Variants in ZNF487 observed in about 807,000 individuals in gnomAD.
ZNF487 encodes KRAB domain only 1.
A neutral mutation model predicts 3.0 loss-of-function variants in ZNF487; 4 were observed. The observed-to-expected ratio is 1.35, with a 90% CI of 0.66 to 3.08. The LOEUF is 3.08. Ranked by LOEUF, ZNF487 falls within the 30% of genes most tolerant of loss-of-function variation. The pLI is 0.01. For missense variants in ZNF487, 146 were observed against 98.7 expected (o/e 1.48, Z -2.03); for synonymous variants, 55 against 34.6 (o/e 1.59, Z -2.06).
rs146436826 is a variant in ZNF487, at chr10:43,448,919, A to C, written c.-94+11657A>C. Among the ~76,000 whole-genome samples the C allele has an allele frequency of 6.1e-3, 917 of 150,514 alleles. 9 individuals are homozygous for C. Among genetic ancestry groups the C allele is most frequent in the African/African-American group, 0.018 (726 of 41,094 alleles). On this transcript the variant is annotated intron_variant, in intron 1 of 3. Transcript: ENST00000437590. ...GATGAAGCAGGAGGATCACTTGAGC[A>C]GGAGATAGAGGCTGTGGTGAGCTCT... is the stretch of plus-strand genomic sequence containing the variant.
chr10:43,508,938 G>C, the ZNF487 span, among the ~76,000 whole-genome samples: 2 of 152,030 alleles, frequency 1.3e-5, no homozygotes, highest in African/African-American at 2.4e-5. Context: ...TGGGCACGGT[G>C]GCTCCCAGCA....
chr10:43,460,247 C>T (rs1840380099), intron 1 of ZNF487, among the ~76,000 whole-genome samples: 1 of 151,914 alleles, frequency 6.6e-6, no homozygotes, highest in Non-Finnish European at 1.5e-5. Context: ...TTTTGATTTT[C>T]AAATGTTAAA....
chr10:43,451,009 G>A (rs529121763), intron 1 of ZNF487, among the ~76,000 whole-genome samples: 1 of 151,864 alleles, frequency 6.6e-6, no homozygotes, highest in East Asian at 1.9e-4. Flanking sequence ...GTGCAATGGC[G>A]CGATCTTGGC....
downstream of ZNF487, among the ~76,000 whole-genome samples, chr10:43,483,535 CTT>C (rs71016775): frequency 2.0e-5 from 3 of 151,110 alleles, no homozygotes; most frequent in Admixed American, 6.6e-5. Flanking sequence ...CCCAGCCCTT[CTT>C]TTTTTTTTGA....
At chr10:43,522,741 A>T in the ZNF487 span, among the ~76,000 whole-genome samples, 12 of 152,256 alleles carry the variant, frequency 7.9e-5, 1 homozygote, top group African/African-American at 2.6e-4. Context: ...TCAAAAAACA[A>T]AAAATAAAAA....
chr10:43,459,508 G>A (rs1426094344), intron 1 of ZNF487, among the ~76,000 whole-genome samples: 5 of 152,044 alleles, frequency 3.3e-5, no homozygotes, highest in African/African-American at 1.2e-4. Flanking sequence ...GGGATTACAG[G>A]CGTGAGCCAC....
At chr10:43,491,518 A>G in the ZNF487 span, among the ~76,000 whole-genome samples, 1 of 151,632 alleles carries the variant, frequency 6.6e-6, no homozygotes, top group East Asian at 1.9e-4. Flanking sequence ...TCTGAGCTCC[A>G]GAACCACTCA....
downstream of ZNF487, among the ~76,000 whole-genome samples, chr10:43,485,470 A>G (rs1227588790): frequency 6.6e-6 from 1 of 152,216 alleles, no homozygotes; most frequent in Non-Finnish European, 1.5e-5. Context: ...CCTGGCAATG[A>G]GTCTAAAATT....
intron 1 of ZNF487, among the ~76,000 whole-genome samples, 182 bp from the exon 2 acceptor site, chr10:43,475,539 G>A (rs892404509): frequency 7.2e-5 from 11 of 151,748 alleles, no homozygotes; most frequent in Middle Eastern, 3.4e-3. Flanking sequence ...TTAATATACC[G>A]GCAGAGTCCT....
At chr10:43,519,177 AG>A in the ZNF487 span, among the ~76,000 whole-genome samples, 1 of 151,850 alleles carries the variant, frequency 6.6e-6, no homozygotes, top group Non-Finnish European at 1.5e-5. Context: ...CAGTCTCCTG[AG>A]TGGCTGGGAT....
the ZNF487 span, among the ~76,000 whole-genome samples, chr10:43,501,338 G>A: frequency 6.6e-6 from 1 of 152,174 alleles, no homozygotes; most frequent in Admixed American, 6.5e-5. Context: ...GTACACTACT[G>A]TAGGCTTTAT....
Position 43,461,674 on chromosome 10 carries a change from T to G in ZNF487, c.-93-14047T>G, listed in dbSNP as rs185567594. ...TGTTTCAGAAAACATGTTTAGTGTTTTCTCTTTATTCTCCATGAGTGCTTG... is the reference window on the plus strand; with the variant it reads ...TGTTTCAGAAAACATGTTTAGTGTTGTCTCTTTATTCTCCATGAGTGCTTG... On this transcript the variant is annotated intron_variant, in intron 1 of 3. Coordinates refer to ENST00000437590, the MANE Select transcript of ZNF487 (RefSeq NM_001355444.3). 8.9e-4 allele frequency among the ~76,000 whole-genome samples: 136 copies of G among 152,306 alleles called. 1 individual carries two copies. The highest frequency in any genetic ancestry group is 1.7e-3 in the Non-Finnish European group (113 of 68,030).
intron 1 of ZNF487, among the ~76,000 whole-genome samples, chr10:43,459,795 A>ATT (rs1371941911): frequency 2.7e-5 from 4 of 146,198 alleles, no homozygotes; most frequent in Non-Finnish European, 6.0e-5. Flanking sequence ...TATTATTATT[A>ATT]TTATTATTAT....
intron 1 of ZNF487, among the ~76,000 whole-genome samples, chr10:43,466,873 A>T (rs1291300238): frequency 1.3e-5 from 2 of 151,882 alleles, no homozygotes; most frequent in African/African-American, 4.8e-5. Flanking sequence ...TGGATCAAGG[A>T]GTAATTTTTT....
chr10:43,438,077 C>T (rs934552290), intron 1 of ZNF487, among the ~76,000 whole-genome samples: 11 of 152,122 alleles, frequency 7.2e-5, no homozygotes, highest in Non-Finnish European at 1.0e-4. Context: ...TTTCTCCTTT[C>T]TGGTCATATC....
chr10:43,519,227 G>T, the ZNF487 span, among the ~76,000 whole-genome samples: 1 of 151,906 alleles, frequency 6.6e-6, no homozygotes, highest in African/African-American at 2.4e-5. Flanking sequence ...CACTCTTACT[G>T]TTGTTTTGCA....
chr10:43,504,924 T>C, the ZNF487 span, among the ~76,000 whole-genome samples: 1 of 152,004 alleles, frequency 6.6e-6, no homozygotes, highest in African/African-American at 2.4e-5. Flanking sequence ...AAAGGTGGTC[T>C]CAAACTCCCG....
the ZNF487 span, among the ~76,000 whole-genome samples, chr10:43,520,645 C>T: frequency 6.6e-6 from 1 of 152,182 alleles, no homozygotes; most frequent in African/African-American, 2.4e-5. Flanking sequence ...CAGTGACATA[C>T]AAAGTGATAA....
At chr10:43,498,099 ATTTTTTTTTTTTTTCTTTTTTTTTTTTT>A in the ZNF487 span, among the ~76,000 whole-genome samples, 10 of 20,180 alleles carry the variant, frequency 5.0e-4, no homozygotes, top group South Asian at 3.4e-3. Context: ...ATATATATAT[ATTTTTTTTTTTTTTCTTTTTTTTTTTTT>A]TTTTTTTTTT....
Sources: gnomAD v4.1 joint callset for allele counts (sites outside exome capture counted in the v4.1 genomes callset) on GRCh38, gnomAD v4.1.1 for gene constraint, MANE v1.5 for transcripts, NCBI Gene and HGNC (gene_info 2026-07-23, HGNC 2026-07-21) for gene names.